PRR11: variants seen among roughly 807,000 people sequenced by gnomAD.
PRR11 encodes the protein proline-rich protein 11.
PRR11 carries 30 observed loss-of-function variants against 45.6 expected under a neutral mutation model. That is an observed-to-expected ratio of 0.66 (90% CI 0.49 to 0.89). The LOEUF (loss-of-function observed/expected upper bound fraction) is 0.89, where lower values mean the gene tolerates loss of function less well. Among genes scored for constraint, PRR11 ranks in the 40% least tolerant of loss-of-function variants. PRR11 has a pLI of 0.00. For synonymous variants in PRR11, 128 were observed against 153.5 expected (o/e 0.83, Z 1.23); for missense variants, 373 against 424.8 (o/e 0.88, Z 1.07).
intron 4 of PRR11, among the ~76,000 whole-genome samples, chr17:59,186,838 G>A (rs926494135): frequency 1.3e-5 from 2 of 152,154 alleles, no homozygotes; most frequent in Middle Eastern, 3.4e-3. Flanking sequence ...ATACAAAAAA[G>A]ACCAACAACT....
chr17:59,204,015 A>G lies in PRR11; in HGVS notation c.*2384A>G. On this transcript the variant is annotated 3_prime_UTR_variant, in exon 10 of 10. Transcript: ENST00000262293. ...AATAATATTTTATGGGGCGCTTATA[A>G]TGTTTATAATATTGTAAACCACTGT... 1 of 152,202 alleles carries G rather than the reference A, an allele frequency of 6.6e-6. No individual in the cohort carries two copies. Among genetic ancestry groups the G allele is most frequent in the Admixed American group, 6.6e-5 (1 of 15,260 alleles). The allele number at this position is 152,202 out of a possible 1,614,324, so 9.4% of individuals were successfully genotyped here.
intron 2 of PRR11, among the ~76,000 whole-genome samples, chr17:59,172,807 C>T (rs1179930869): frequency 6.6e-6 from 1 of 152,246 alleles, no homozygotes; most frequent in Non-Finnish European, 1.5e-5. Flanking sequence ...GTCTTCCCTG[C>T]CATGGTGGGC....
chr17:59,171,844 G>A (rs958736161), intron 2 of PRR11, among the ~76,000 whole-genome samples: 1 of 151,950 alleles, frequency 6.6e-6, no homozygotes, highest in African/African-American at 2.4e-5. Context: ...AAGTATCATA[G>A]ATAAAAAGTG....
intron 4 of PRR11, among the ~76,000 whole-genome samples, chr17:59,187,787 C>A (rs1043380973): frequency 6.6e-6 from 1 of 151,234 alleles, no homozygotes; most frequent in Non-Finnish European, 1.5e-5. Context: ...ATCACTTGAA[C>A]CCGGGAGGCG....
At chr17:59,193,008 A>G (rs550875944) in intron 4 of PRR11, among the ~76,000 whole-genome samples, 27 of 152,242 alleles carry the variant, frequency 1.8e-4, no homozygotes, top group Middle Eastern at 6.8e-3. Context: ...TCACTTCCCA[A>G]GCCTCCAGCT....
Position 59,194,839 on chromosome 17 carries a change from T to C in PRR11, c.728T>C (p.Leu243Ser). Residue 243 changes from leucine to serine, a missense_variant, in exon 6 of 10, where the codon TTA becomes TCA. Leu to Ser is a moderately radical substitution (Grantham distance 145, BLOSUM62 -2). Coordinates refer to ENST00000262293, the MANE Select transcript of PRR11 (RefSeq NM_018304.4). Reference sequence around the variant, plus strand: ...GTAAAATTAAAGAAGACACAGAGTTTAGATGAAAAGAGGAAGGTAAGATGT... The same window carrying C: ...GTAAAATTAAAGAAGACACAGAGTTCAGATGAAAAGAGGAAGGTAAGATGT... ...LTVKLKKTQS[L>S]DEKRKLIPSP... 6.2e-7 allele frequency: 1 copy of C among 1,613,114 alleles called. No homozygotes were observed. The highest frequency in any genetic ancestry group is 2.2e-5 in the East Asian group (1 of 44,846).
In PRR11 at chr17:59,202,873, A is replaced by T. The variant is rs1242223390; in HGVS notation, c.*1242A>T. The T allele has an allele frequency of 6.6e-6, 1 of 152,164 alleles. No individual in the cohort carries two copies. The highest frequency in any genetic ancestry group is 1.9e-4 in the East Asian group (1 of 5,174). The allele number at this position is 152,164 out of a possible 1,614,324, so 9.4% of individuals were successfully genotyped here. On this transcript the variant is annotated 3_prime_UTR_variant, in exon 10 of 10. Coordinates refer to ENST00000262293, the MANE Select transcript of PRR11 (RefSeq NM_018304.4). The stretch of plus-strand genomic sequence containing the variant: ...GAGACCCTGTCTCTATCAAAAATTT[A>T]AAATTACCCAGGCATGGTGACGCAC...
chr17:59,190,878 G>C (rs569014268), intron 4 of PRR11, among the ~76,000 whole-genome samples: 1 of 152,350 alleles, frequency 6.6e-6, no homozygotes, highest in East Asian at 1.9e-4. Flanking sequence ...CACGTGGACT[G>C]AGGGAATGAA....
chr17:59,197,478 C>T (rs1231717703), intron 7 of PRR11, 66 bp from the exon 8 acceptor site: 3 of 1,405,434 alleles, frequency 2.1e-6, no homozygotes, highest in Non-Finnish European at 3.0e-6. Flanking sequence ...GTCTTGATCT[C>T]CTGACCTTGT....
rs2046919751 is a variant in PRR11 at position 59,206,678 on chromosome 17, A to T, written c.*5047A>T. Reference sequence around the variant, plus strand: ...CATCTGGTTATGTTTTAAAATAAAGATTAATAAAAGTTTTGGTTTTTCTCT... The same window carrying T: ...CATCTGGTTATGTTTTAAAATAAAGTTTAATAAAAGTTTTGGTTTTTCTCT... On this transcript the variant is annotated 3_prime_UTR_variant, in exon 10 of 10. Transcript: ENST00000262293. Among the ~76,000 whole-genome samples the T allele has an allele frequency of 6.6e-6, 1 of 152,128 alleles. No homozygotes were observed. Among genetic ancestry groups the T allele is most frequent in the Admixed American group, 6.6e-5 (1 of 15,254 alleles).
intron 7 of PRR11, 42 bp from the exon 8 acceptor site, chr17:59,197,502 C>T (rs1412214657): frequency 3.2e-6 from 5 of 1,557,126 alleles, no homozygotes; most frequent in Non-Finnish European, 4.4e-6. Context: ...CCACCTGCCT[C>T]AGCCTCCCAA....
intron 1 of PRR11, among the ~76,000 whole-genome samples, chr17:59,160,247 G>T (rs1469241499): frequency 6.6e-6 from 1 of 152,100 alleles, no homozygotes; most frequent in Non-Finnish European, 1.5e-5. Context: ...ACACAGAAAG[G>T]CTAAGAATCT....
At chr17:59,158,518 C>A (rs1387702046) in intron 1 of PRR11, among the ~76,000 whole-genome samples, 1 of 152,148 alleles carries the variant, frequency 6.6e-6, no homozygotes, top group Non-Finnish European at 1.5e-5. Context: ...GCAACTAAAT[C>A]TATTCAATCC....
At chr17:59,188,374 C>A (rs1268290533) in intron 4 of PRR11, among the ~76,000 whole-genome samples, 2 of 152,142 alleles carry the variant, frequency 1.3e-5, no homozygotes, top group African/African-American at 4.8e-5. Context: ...TAATTAACAT[C>A]TATCAAAATT....
rs1208361954 is a variant in PRR11, at chr17:59,203,518, C to T, written c.*1887C>T. The T allele has an allele frequency of 6.6e-6, 1 of 152,200 alleles. No homozygotes were observed. The highest frequency in any genetic ancestry group is 1.5e-5 in the Non-Finnish European group (1 of 68,078). 9.4% of individuals were successfully genotyped at this position (152,200 alleles called of 1,614,324 possible). On this transcript the variant is annotated 3_prime_UTR_variant, in exon 10 of 10. Coordinates refer to ENST00000262293, the MANE Select transcript of PRR11 (RefSeq NM_018304.4). Reference sequence around the variant, plus strand: ...GAGATTACAGGCGTGAGCCACCACGCCCGGCCAGAGATCCACATCTATATT... The same window carrying T: ...GAGATTACAGGCGTGAGCCACCACGTCCGGCCAGAGATCCACATCTATATT...
intron 1 of PRR11, among the ~76,000 whole-genome samples, chr17:59,162,241 CACACACACAGA>C (rs1352125629): frequency 2.5e-4 from 37 of 147,826 alleles, no homozygotes; most frequent in African/African-American, 9.9e-4. Flanking sequence ...CACACACACA[CACACACACAGA>C]GAGAGAGAGA....
intron 2 of PRR11, among the ~76,000 whole-genome samples, chr17:59,184,492 G>T (rs752573929): frequency 6.6e-6 from 1 of 152,088 alleles, no homozygotes; most frequent in African/African-American, 2.4e-5. Flanking sequence ...CTGTGAGTGA[G>T]TTCCCATATG....
chr17:59,163,038 T>G (rs2046661524), intron 1 of PRR11, among the ~76,000 whole-genome samples: 1 of 151,754 alleles, frequency 6.6e-6, no homozygotes, highest in South Asian at 2.1e-4. Flanking sequence ...CCACTTTCTC[T>G]CCTTCTTCCT....
At chr17:59,175,199 G>T in intron 2 of PRR11, 1 of 469,652 alleles carries the variant, frequency 2.1e-6, no homozygotes, top group South Asian at 1.8e-5. Context: ...CAGCTTCCCA[G>T]AGAGGAGGGC....
Sources: gnomAD v4.1 joint callset for allele counts (sites outside exome capture counted in the v4.1 genomes callset) on GRCh38, gnomAD v4.1.1 for gene constraint, MANE v1.5 for transcripts, NCBI Gene and HGNC (gene_info 2026-07-23, HGNC 2026-07-21) for gene names.